SEMA5B: variants seen among roughly 807,000 people sequenced by gnomAD.
SEMA5B encodes semaphorin 5B, also known as semaphorin-5B.
A neutral mutation model predicts 135.0 loss-of-function variants in SEMA5B; 66 were observed. That is an observed-to-expected ratio of 0.49 (90% CI 0.40 to 0.60). The LOEUF is 0.60. Among genes scored for constraint, SEMA5B ranks in the 20% least tolerant of loss-of-function variants. The pLI is 0.00. For synonymous variants in SEMA5B, 690 were observed against 639.5 expected, an observed-to-expected ratio of 1.08 and a Z score of -1.19; for missense variants, 1,501 against 1,566.3, an observed-to-expected ratio of 0.96 and a Z score of 0.70.
At chr3:122,939,885 C>A (rs1031429895) in intron 4 of SEMA5B, among the ~76,000 whole-genome samples, 1 of 152,184 alleles carries the variant, frequency 6.6e-6, no homozygotes, top group Non-Finnish European at 1.5e-5. Flanking sequence ...ATGCAGACAG[C>A]CAGCTTCCTC....
At chr3:122,990,652 C>T (rs1313527590) in intron 1 of SEMA5B, among the ~76,000 whole-genome samples, 2 of 152,198 alleles carry the variant, frequency 1.3e-5, no homozygotes, top group Non-Finnish European at 2.9e-5. Flanking sequence ...CTCCTGTTCA[C>T]ATCATAGGTT....
chr3:123,014,539 G>A (rs1942508852), intron 1 of SEMA5B, among the ~76,000 whole-genome samples: 1 of 152,222 alleles, frequency 6.6e-6, no homozygotes, highest in Non-Finnish European at 1.5e-5. Flanking sequence ...GTACCCCAAG[G>A]GGGCTTAGCA....
intron 1 of SEMA5B, among the ~76,000 whole-genome samples, chr3:122,990,198 G>A (rs1416618281): frequency 6.6e-6 from 1 of 152,166 alleles, no homozygotes; most frequent in Non-Finnish European, 1.5e-5. Flanking sequence ...TCTGCAACAT[G>A]AGGCTTCCTA....
intron 1 of SEMA5B, among the ~76,000 whole-genome samples, chr3:122,996,623 T>C (rs1464435770): frequency 6.6e-6 from 1 of 152,252 alleles, no homozygotes; most frequent in African/African-American, 2.4e-5. Context: ...TTTTCTCTTT[T>C]TGTCTTTCTA....
chr3:122,995,598 C>A (rs539898523), intron 1 of SEMA5B, among the ~76,000 whole-genome samples: 1 of 152,300 alleles, frequency 6.6e-6, no homozygotes, highest in African/African-American at 2.4e-5. Context: ...AGCACCCAAG[C>A]TTGAGAGGGA....
At chr3:122,911,161 C>G (rs1937678139) in intron 21 of SEMA5B, 116 bp from the exon 22 acceptor site, 5 of 1,057,872 alleles carry the variant, frequency 4.7e-6, no homozygotes, top group Non-Finnish European at 6.8e-6. Flanking sequence ...CTGGAAAGGG[C>G]TCTGAGGCCA....
chr3:122,991,897 C>T (rs544044114), intron 1 of SEMA5B, among the ~76,000 whole-genome samples: 2 of 152,196 alleles, frequency 1.3e-5, no homozygotes, highest in South Asian at 2.1e-4. Flanking sequence ...AAAACATGAT[C>T]GCAGGCATGT....
chr3:123,017,259 G>A (rs9867738), intron 1 of SEMA5B, among the ~76,000 whole-genome samples: 3,836 of 151,980 alleles, frequency 0.025, 170 homozygotes, highest in African/African-American at 0.087. Context: ...CAGATACAGA[G>A]GGCTGACTGT....
chr3:122,956,561 G>T (rs1367573682), intron 2 of SEMA5B, among the ~76,000 whole-genome samples: 1 of 152,180 alleles, frequency 6.6e-6, no homozygotes, highest in East Asian at 1.9e-4. Context: ...CTCTGCTCAG[G>T]GGCGAAGGAT....
chr3:122,969,306 G>A (rs1342768308), intron 1 of SEMA5B, among the ~76,000 whole-genome samples: 2 of 152,186 alleles, frequency 1.3e-5, no homozygotes, highest in East Asian at 3.9e-4. Context: ...TTCCAGGGAT[G>A]CTTTGGAGAC....
chr3:123,002,331 AC>A (rs1942199469), intron 1 of SEMA5B, among the ~76,000 whole-genome samples: 1 of 152,140 alleles, frequency 6.6e-6, no homozygotes, highest in South Asian at 2.1e-4. Flanking sequence ...ACACAGGAGA[AC>A]CCATGCATTC....
chr3:122,961,437 A>G, intron 1 of SEMA5B, 136 bp from the exon 2 acceptor site: 1 of 802,088 alleles, frequency 1.2e-6, no homozygotes, highest in Non-Finnish European at 1.9e-6. Flanking sequence ...GCTTTAACAA[A>G]TCACCACAGT....
chr3:122,983,674 C>A (rs1358169988), intron 1 of SEMA5B, among the ~76,000 whole-genome samples: 2 of 124,466 alleles, frequency 1.6e-5, no homozygotes, highest in Admixed American at 2.2e-4. Context: ...ACCAAGATCA[C>A]GCCACTGCAC....
intron 1 of SEMA5B, among the ~76,000 whole-genome samples, chr3:122,998,985 A>C (rs1942098398): frequency 6.6e-6 from 1 of 152,232 alleles, no homozygotes; most frequent in African/African-American, 2.4e-5. Flanking sequence ...AGAAATGAGG[A>C]AAATGAGGGC....
At chr3:123,027,969 C>T (rs562508456), upstream of SEMA5B, among the ~76,000 whole-genome samples, 2 of 152,292 alleles carry the variant, frequency 1.3e-5, no homozygotes, top group South Asian at 4.1e-4. Context: ...GACTCCCGCC[C>T]CGGGCCTGCC....
In SEMA5B at chr3:122,927,999, C is replaced by T. The variant is rs1938737254; in HGVS notation, c.641G>A (p.Gly214Glu). The T allele has an allele frequency of 1.4e-6, 2 of 1,470,696 alleles. No homozygotes were observed. Among genetic ancestry groups the T allele is most frequent in the Non-Finnish European group, 9.0e-7 (1 of 1,105,832 alleles). 91.1% of individuals were successfully genotyped at this position (1,470,696 alleles called of 1,614,324 possible). The change falls in exon 8 of 23, where the codon GGG (glycine) becomes GAG (glutamate). Residue 214 changes from glycine (G) to glutamate (E), a missense_variant. Transcript: ENST00000357599. ...FSPMCTSRQVGNLSRTIEKIN... is the reference protein window; with the variant it reads ...FSPMCTSRQVENLSRTIEKIN... ...CTTCTCAATAGTCCGGCTGAGGTTC[C>T]CCACCTGGGGACAATGGGGAGAAGG...
Position 123,014,356 on chromosome 3 carries a change from G to A in SEMA5B, c.-39+13108C>T, listed in dbSNP as rs183751972. ...GTAGCAAAGTCCTGTCAGGCAAAGC[G>A]CATCTCCTCCACTGACAGGAGATGT... On this transcript the variant is annotated intron_variant, in intron 1 of 22. Transcript: ENST00000357599. Among the ~76,000 whole-genome samples the A allele has an allele frequency of 8.5e-5, 13 of 152,346 alleles. No homozygotes were observed. The East Asian group carries it at 1.5e-3, about 18-fold the overall frequency.
intron 1 of SEMA5B, among the ~76,000 whole-genome samples, chr3:123,022,703 G>A (rs763401176): frequency 3.3e-5 from 5 of 152,154 alleles, no homozygotes; most frequent in African/African-American, 1.2e-4. Context: ...CCACCAAGTC[G>A]AATAATTTCT....
chr3:122,941,594 C>T (rs940515738), intron 4 of SEMA5B, among the ~76,000 whole-genome samples: 1 of 152,230 alleles, frequency 6.6e-6, no homozygotes, highest in Admixed American at 6.5e-5. Flanking sequence ...TTACTACATG[C>T]AGTAACTGAC....
Sources: gnomAD v4.1 joint callset for allele counts (sites outside exome capture counted in the v4.1 genomes callset) on GRCh38, gnomAD v4.1.1 for gene constraint, MANE v1.5 for transcripts, NCBI Gene and HGNC (gene_info 2026-07-23, HGNC 2026-07-21) for gene names.